The following LDLRAP1 variants were observed in gnomAD, a reference collection of about 807,000 sequenced individuals.
The protein encoded by LDLRAP1 is low density lipoprotein receptor adaptor protein 1.
LDLRAP1 carries 30 observed loss-of-function variants against 37.8 expected under a neutral mutation model. The observed-to-expected ratio is 0.79, with a 90% confidence interval of 0.59 to 1.08. The LOEUF is 1.08. Ranked by LOEUF, LDLRAP1 falls within the 50% of genes least tolerant of loss-of-function variation. LDLRAP1 has a pLI of 0.00. For missense variants in LDLRAP1, 375 were observed against 401.6 expected (o/e 0.93, Z 0.57); for synonymous variants, 156 against 169.8 (o/e 0.92, Z 0.63).
At position 25,554,688 on chromosome 1, in the gene LDLRAP1, T is replaced by A; in HGVS notation, c.232-172T>A. 6.6e-6 allele frequency among the ~76,000 whole-genome samples: 1 copy of A among 152,240 alleles called. No individual in the cohort carries two copies. The highest frequency in any genetic ancestry group is 6.5e-5 in the Admixed American group (1 of 15,288). On this transcript the variant is annotated intron_variant, in intron 2 of 8. Transcript: ENST00000374338. The surrounding 1 kb of genome is among the most constrained non-coding windows in gnomAD (Gnocchi z 5.4). ...ATAGCTGGTGCTCAGCAGATGCTGCTCCTGTTTCTATTGCAAGAAGGTGCT... is the reference window on the plus strand; with the variant it reads ...ATAGCTGGTGCTCAGCAGATGCTGCACCTGTTTCTATTGCAAGAAGGTGCT...
At chr1:25,573,215 G>C (rs912048539), downstream of LDLRAP1, among the ~76,000 whole-genome samples, 11 of 152,302 alleles carry the variant, frequency 7.2e-5, no homozygotes, top group African/African-American at 2.6e-4. Context: ...ATGCACCCAG[G>C]TGCACACTCA....
At chr1:25,552,016 T>A (rs1446089942) in intron 1 of LDLRAP1, among the ~76,000 whole-genome samples, 1 of 152,118 alleles carries the variant, frequency 6.6e-6, no homozygotes, top group Admixed American at 6.5e-5. Context: ...CTCTTTCAGA[T>A]GAAGAAATGG....
chr1:25,567,740 G>A lies in LDLRAP1; in HGVS notation c.*748G>A, dbSNP rs1273225592. ...TGGTCTCCACCTGTGCTTGGAACCA[G>A]TGTAACTGGCTGCTCCCTGCTCCCA... On this transcript the variant is annotated 3_prime_UTR_variant, in exon 9 of 9. Transcript: ENST00000374338. 1 of 152,548 alleles carries A rather than the reference G, an allele frequency of 6.6e-6. No individual in the cohort carries two copies. The highest frequency in any genetic ancestry group is 1.5e-5 in the Non-Finnish European group (1 of 68,480). The allele number at this position is 152,548 out of a possible 1,614,324, so 9.4% of individuals were successfully genotyped here.
At position 25,557,237 on chromosome 1, in the gene LDLRAP1, C is replaced by T. The variant is rs777648532; in HGVS notation, c.429C>T (p.Cys143=). The change falls in exon 4 of 9, where the codon TGC becomes TGT. Residue 143 remains cysteine, a synonymous_variant. Transcript: ENST00000374338. The stretch of plus-strand genomic sequence containing the variant: ...GCCAGCACAACCAGAGCCTCGAGTG[C>T]CACGCCTTCCTCTGCACCAAGCGGA... ...AQSQHNQSLE[C]HAFLCTKRKM... 25 of 1,613,958 alleles carry T rather than the reference C, an allele frequency of 1.5e-5. No individual in the cohort carries two copies. The highest frequency in any genetic ancestry group is 2.1e-5 in the Non-Finnish European group (25 of 1,179,940).
chr1:25,546,120 G>A (rs1572018912), intron 1 of LDLRAP1, among the ~76,000 whole-genome samples: 1 of 152,172 alleles, frequency 6.6e-6, no homozygotes, highest in African/African-American at 2.4e-5. Flanking sequence ...GACAGCAGTG[G>A]CCACAGGTTA....
rs1038922173 is a variant in LDLRAP1 at position 25,544,022 on chromosome 1, C to G, written c.88+236C>G. ...GAGGGGCAGCGCTGAGGAAGGAGCC[C>G]GAGCTCGGGGTCCTCAGGTGCAGCC... On this transcript the variant is annotated intron_variant, in intron 1 of 8. Transcript: ENST00000374338. The surrounding 1 kb of genome is among the most constrained non-coding windows in gnomAD (Gnocchi z 4.8). Among the ~76,000 whole-genome samples the G allele has an allele frequency of 3.1e-4, 47 of 152,094 alleles. No homozygotes were observed. The highest frequency in any genetic ancestry group is 1.1e-3 in the African/African-American group (46 of 41,440).
rs777764625 is a variant in LDLRAP1, at chr1:25,566,832, C to T, written c.783-16C>T. On this transcript the variant is annotated splice_polypyrimidine_tract_variant and intron_variant, in intron 8 of 8. Transcript: ENST00000374338. ...CCCTCACCCAGGCTCTCGGCTCACACAGCTCTGCCTTCCAGGCTTGCCCAG... is the reference window on the plus strand; with the variant it reads ...CCCTCACCCAGGCTCTCGGCTCACATAGCTCTGCCTTCCAGGCTTGCCCAG... 9.4e-6 allele frequency: 15 copies of T among 1,603,348 alleles called. No individual in the cohort carries two copies. Among genetic ancestry groups the T allele is most frequent in the South Asian group, 6.7e-5 (6 of 89,056 alleles).
At chr1:25,579,905 G>A in the LDLRAP1 span, among the ~76,000 whole-genome samples, 1 of 152,134 alleles carries the variant, frequency 6.6e-6, no homozygotes, top group African/African-American at 2.4e-5. Context: ...TTTCCCCAAG[G>A]GTATGGAGCT....
intron 1 of LDLRAP1, among the ~76,000 whole-genome samples, chr1:25,547,911 A>G (rs1228729011): frequency 6.6e-6 from 1 of 152,182 alleles, no homozygotes; most frequent in African/African-American, 2.4e-5. Context: ...ACTGGAGGCT[A>G]GGACTCTGCT....
At chr1:25,587,619 A>G in the LDLRAP1 span, among the ~76,000 whole-genome samples, 1 of 152,254 alleles carries the variant, frequency 6.6e-6, no homozygotes, top group Non-Finnish European at 1.5e-5. Flanking sequence ...TGCTGGAACC[A>G]GAAGGAAAGT....
intron 4 of LDLRAP1, among the ~76,000 whole-genome samples, chr1:25,560,315 C>T (rs980321228): frequency 2.6e-5 from 4 of 152,080 alleles, no homozygotes; most frequent in Non-Finnish European, 5.9e-5. Context: ...GCTGGGCTGC[C>T]GGAATGAGTT....
chr1:25,567,164 C>T lies in LDLRAP1; in HGVS notation c.*172C>T. ...GCAGGGGAGAGATTTTTCTTTTAAG[C>T]CCTGCTCTTTCTCTGAGAACCAAAA... On this transcript the variant is annotated 3_prime_UTR_variant, in exon 9 of 9. Transcript: ENST00000374338. The T allele has an allele frequency of 1.3e-6, 1 of 758,512 alleles. No homozygotes were observed. Among genetic ancestry groups the T allele is most frequent in the Non-Finnish European group, 2.2e-6 (1 of 455,702 alleles). The allele number at this position is 758,512 out of a possible 1,614,324, so 47.0% of individuals were successfully genotyped here.
rs564055193 is a variant in LDLRAP1, at chr1:25,563,870, G to C, written c.747+79G>C. ...AGCCTGGGGCTGCTCCAGGGACCAG[G>C]CCCTGGGACCCGTGACTTGTGGGCC... On this transcript the variant is annotated intron_variant, in intron 7 of 8. Coordinates refer to ENST00000374338, the MANE Select transcript of LDLRAP1 (RefSeq NM_015627.3). The C allele has an allele frequency of 1.0e-5, 16 of 1,587,368 alleles. No individual in the cohort carries two copies. The African/African-American group carries it at 1.6e-4, about 16-fold the overall frequency.
intron 4 of LDLRAP1, among the ~76,000 whole-genome samples, chr1:25,562,433 A>G (rs1218741666): frequency 1.3e-5 from 2 of 152,228 alleles, no homozygotes; most frequent in Non-Finnish European, 2.9e-5. Flanking sequence ...CTGCGAGGCT[A>G]TGGCCTTATG....
At chr1:25,574,356 T>C in the LDLRAP1 span, among the ~76,000 whole-genome samples, 71 of 152,312 alleles carry the variant, frequency 4.7e-4, no homozygotes, top group African/African-American at 1.6e-3. Context: ...ATGCAGAGAC[T>C]GAGGCTCTAG....
chr1:25,575,705 C>T, the LDLRAP1 span, among the ~76,000 whole-genome samples: 3 of 152,188 alleles, frequency 2.0e-5, no homozygotes, highest in Admixed American at 6.5e-5. Flanking sequence ...GGACCGGCGT[C>T]TTGGGCCTAC....
chr1:25,564,925 C>T, intron 7 of LDLRAP1: 2 of 535,172 alleles, frequency 3.7e-6, no homozygotes, highest in East Asian at 6.4e-5. Flanking sequence ...GGGCACTGAA[C>T]CCACCTGGGT....
At chr1:25,564,010 CT>C (rs2044415517) in intron 7 of LDLRAP1, 2 of 628,352 alleles carry the variant, frequency 3.2e-6, no homozygotes, top group Non-Finnish European at 5.7e-6. Context: ...GCACAGCTGT[CT>C]CCTCACAATG....
intron 4 of LDLRAP1, among the ~76,000 whole-genome samples, chr1:25,559,491 G>A (rs2124681112): frequency 6.6e-6 from 1 of 152,330 alleles, no homozygotes; most frequent in African/African-American, 2.4e-5. Context: ...GCAGAGCCCT[G>A]ACCAGGCAGC....
Sources: allele counts gnomAD v4.1 joint callset (sites outside exome capture counted in the v4.1 genomes callset), GRCh38; gene constraint gnomAD v4.1.1; non-coding constraint Gnocchi (gnomAD v3.1); transcripts MANE v1.5; gene names NCBI Gene and HGNC (gene_info 2026-07-23, HGNC 2026-07-21).